The following RXRA variants were observed in gnomAD, a reference collection of about 807,000 sequenced individuals.
RXRA encodes the protein retinoic acid receptor RXR-alpha.
RXRA carries 5 observed loss-of-function variants against 44.5 expected under a neutral mutation model. The ratio of observed to expected loss-of-function variants is 0.11; its 90% CI spans 0.06 to 0.24. The LOEUF (loss-of-function observed/expected upper bound fraction) is 0.24, where lower values mean the gene tolerates loss of function less well. RXRA is among the 10% of genes least tolerant of loss of function. RXRA has a pLI of 1.00. For missense variants in RXRA, 412 were observed against 646.5 expected (o/e 0.64, Z 3.93); for synonymous variants, 291 against 271.4 (o/e 1.07, Z -0.71).
chr9:134,410,020 A>G (rs3132297), intron 4 of RXRA, among the ~76,000 whole-genome samples: 131,517 of 152,230 alleles, frequency 0.86, 57,212 homozygotes, highest in African/African-American at 0.97. Context: ...CAGGACCCAC[A>G]CCACTGTCTC....
intron 1 of RXRA, among the ~76,000 whole-genome samples, chr9:134,384,262 G>A (rs954262876): frequency 1.3e-5 from 2 of 152,136 alleles, no homozygotes; most frequent in Non-Finnish European, 2.9e-5. Context: ...GTCACCCCTC[G>A]GGAGGAGTCC....
intron 4 of RXRA, among the ~76,000 whole-genome samples, chr9:134,416,053 C>T (rs985894145): frequency 2.6e-5 from 4 of 151,382 alleles, no homozygotes; most frequent in African/African-American, 7.3e-5. Context: ...GACCAGAGCC[C>T]CAGCTCAGGA....
At chr9:134,429,069 G>T (rs749908153) in intron 6 of RXRA, 39 bp from the exon 7 acceptor site, 3 of 1,611,174 alleles carry the variant, frequency 1.9e-6, no homozygotes, top group East Asian at 4.5e-5. Flanking sequence ...GCCCCGTGGG[G>T]CCTGGAGACA....
chr9:134,409,138 T>TG lies in RXRA; in HGVS notation c.610+24dup. On this transcript the variant is annotated intron_variant, in intron 4 of 9. Transcript: ENST00000481739. ...CGGGAAGGTAGGCCACGGCGTCGGGTGGGGGCGCGGGCAGGTGTTGGACAA... is the reference window on the plus strand; with the variant it reads ...CGGGAAGGTAGGCCACGGCGTCGGGTGGGGGGCGCGGGCAGGTGTTGGACAA... 1 of 1,528,626 alleles carries TG rather than the reference T, an allele frequency of 6.5e-7. No individual in the cohort carries two copies. Among genetic ancestry groups the TG allele is most frequent in the Non-Finnish European group, 8.8e-7 (1 of 1,135,272 alleles). The allele number at this position is 1,528,626 out of a possible 1,614,324, so 94.7% of individuals were successfully genotyped here. A position where few individuals can be genotyped will look rare whatever the true frequency, so the allele number is the denominator to read the frequency against.
At chr9:134,388,518 C>A (rs556924817) in intron 1 of RXRA, among the ~76,000 whole-genome samples, 2 of 152,166 alleles carry the variant, frequency 1.3e-5, no homozygotes, top group African/African-American at 2.4e-5. Context: ...CTCCTGGTGA[C>A]GGTCCTTTCT....
At chr9:134,384,626 T>TG (rs112372354) in intron 1 of RXRA, among the ~76,000 whole-genome samples, 3,759 of 152,094 alleles carry the variant, frequency 0.025, 163 homozygotes, top group African/African-American at 0.085. Flanking sequence ...CAGGGCGTGC[T>TG]GGGGGGCAGG....
At chr9:134,428,984 G>A (rs914682399) in intron 6 of RXRA, 124 bp from the exon 7 acceptor site, 5 of 1,207,076 alleles carry the variant, frequency 4.1e-6, no homozygotes, top group Admixed American at 4.3e-5. Context: ...TGGGATTGGG[G>A]TTCCAGAGCC....
chr9:134,404,927 G>A lies in RXRA; in HGVS notation c.279+3045G>A, dbSNP rs567224464. On this transcript the variant is annotated intron_variant, in intron 2 of 9. Coordinates refer to ENST00000481739, the MANE Select transcript of RXRA (RefSeq NM_002957.6). ...GACCTGGGTGGGGCATCGAGGCGGCGGGAACTGAAATAAGTGCCAAGGATC... is the reference window on the plus strand; with the variant it reads ...GACCTGGGTGGGGCATCGAGGCGGCAGGAACTGAAATAAGTGCCAAGGATC... The A allele has an allele frequency of 1.9e-3, 297 of 152,494 alleles. 2 individuals carry two copies. The highest frequency in any genetic ancestry group is 3.6e-3 in the Non-Finnish European group (242 of 68,146). 9.4% of individuals were successfully genotyped at this position (152,494 alleles called of 1,614,324 possible). A position where few individuals can be genotyped will look rare whatever the true frequency, so the allele number is the denominator to read the frequency against.
chr9:134,380,179 G>A, intron 1 of RXRA: 4 of 985,426 alleles, frequency 4.1e-6, no homozygotes, highest in Non-Finnish European at 4.8e-6. Flanking sequence ...TGTGTTGGGG[G>A]TGGCCCCCCG....
At chr9:134,368,889 AGGGGTTATGTGTGTGTG>A (rs1830449149) in intron 1 of RXRA, among the ~76,000 whole-genome samples, 3 of 48,370 alleles carry the variant, frequency 6.2e-5, no homozygotes, top group African/African-American at 2.4e-4. Context: ...GTGTGAGTGC[AGGGGTTATGTGTGTGTG>A]GGGGTTGTGT....
At chr9:134,389,418 G>A (rs982023543) in intron 1 of RXRA, among the ~76,000 whole-genome samples, 6 of 151,666 alleles carry the variant, frequency 4.0e-5, no homozygotes, top group South Asian at 2.1e-4. Context: ...GGGCTTGGGC[G>A]CCTCTGTCCC....
intron 1 of RXRA, among the ~76,000 whole-genome samples, chr9:134,390,113 C>T (rs900612146): frequency 2.6e-5 from 4 of 152,166 alleles, no homozygotes; most frequent in East Asian, 3.9e-4. Context: ...GCCTGCATTC[C>T]CCGGCAGGAT....
intron 1 of RXRA, chr9:134,379,365 GCTGGCTGTC>G (rs1411753282): frequency 1.0e-6 from 1 of 987,476 alleles, no homozygotes. Flanking sequence ...GGGAGGGGAG[GCTGGCTGTC>G]CTGTGGTGAG....
chr9:134,333,442 C>T (rs1835037654), intron 1 of RXRA, among the ~76,000 whole-genome samples: 1 of 152,088 alleles, frequency 6.6e-6, no homozygotes, highest in Non-Finnish European at 1.5e-5. Context: ...GTACCCGGGG[C>T]CAGGGCTGGG....
chr9:134,429,504 G>C (rs770250019), intron 7 of RXRA, among the ~76,000 whole-genome samples: 1 of 152,224 alleles, frequency 6.6e-6, no homozygotes, highest in Non-Finnish European at 1.5e-5. Context: ...GTATTTATCC[G>C]TGGGAAGGAA....
rs1831698213 is a variant in RXRA at position 134,439,739 on chromosome 9, C to CT, written c.*3126dup. On this transcript the variant is annotated 3_prime_UTR_variant, in exon 10 of 10. Coordinates refer to ENST00000481739, the MANE Select transcript of RXRA (RefSeq NM_002957.6). Reference sequence around the variant, plus strand: ...GGTGTGTGGTGTAAACATGTATGTGCTGTACAGAGAGACGCGTGTGGAGAG... The same window carrying CT: ...GGTGTGTGGTGTAAACATGTATGTGCTTGTACAGAGAGACGCGTGTGGAGAG... 1 of 152,312 alleles carries CT rather than the reference C, an allele frequency of 6.6e-6. No homozygotes were observed. The highest frequency in any genetic ancestry group is 2.4e-5 in the African/African-American group (1 of 41,460). The allele number at this position is 152,312 out of a possible 1,614,324, so 9.4% of individuals were successfully genotyped here. A position where few individuals can be genotyped will look rare whatever the true frequency, so the allele number is the denominator to read the frequency against.
intron 1 of RXRA, chr9:134,401,423 A>C: frequency 1.3e-6 from 1 of 745,532 alleles, no homozygotes; most frequent in African/African-American, 1.8e-5. Flanking sequence ...GGTCAGGCGC[A>C]GAACAGTACC....
chr9:134,426,602 G>T lies in RXRA; in HGVS notation c.911-2506G>T, dbSNP rs1239132241. On this transcript the variant is annotated intron_variant, in intron 6 of 9. Transcript: ENST00000481739. This position sits in a 1 kb window ranked among gnomAD's most constrained non-coding sequence, Gnocchi z 4.6. ...GCACCTCGGCTCAGCAGCGCCTTCT[G>T]ACCCCAGCCGTGCACTAGGCCCCTC... The T allele has an allele frequency of 1.0e-6, 1 of 985,292 alleles. No individual in the cohort carries two copies. The highest frequency in any genetic ancestry group is 1.2e-6 in the Non-Finnish European group (1 of 829,928). The allele number at this position is 985,292 out of a possible 1,614,324, so 61.0% of individuals were successfully genotyped here.
rs1830103578 is a variant in RXRA at position 134,342,905 on chromosome 9, G to C, written c.28+16246G>C. Among the ~76,000 whole-genome samples the C allele has an allele frequency of 6.6e-6, 1 of 152,222 alleles. No individual in the cohort carries two copies. The highest frequency in any genetic ancestry group is 2.4e-5 in the African/African-American group (1 of 41,460). On this transcript the variant is annotated intron_variant, in intron 1 of 9. Transcript: ENST00000481739. The surrounding 1 kb of genome is among the most constrained non-coding windows in gnomAD (Gnocchi z 4.4). Reference sequence around the variant, plus strand: ...TGTATGTGAGTGATGTGGGTGGCATGACTGCGGATGCAGGCACGTGTGGGT... The same window carrying C: ...TGTATGTGAGTGATGTGGGTGGCATCACTGCGGATGCAGGCACGTGTGGGT...
Sources: gnomAD v4.1 joint callset for allele counts (sites outside exome capture counted in the v4.1 genomes callset) on GRCh38, gnomAD v4.1.1 for gene constraint, Gnocchi (gnomAD v3.1) non-coding constraint, MANE v1.5 for transcripts, NCBI Gene and HGNC (gene_info 2026-07-23, HGNC 2026-07-21) for gene names.